The following GYG1 variants were observed in gnomAD, a reference collection of about 807,000 sequenced individuals.
The protein encoded by GYG1 is glycogenin-1.
GYG1 carries 44 observed loss-of-function variants against 41.9 expected under a neutral mutation model. The observed-to-expected ratio is 1.05, with a 90% CI of 0.83 to 1.35. The LOEUF is 1.35. GYG1 is among the 40% of genes most tolerant of loss of function. The pLI, the probability that GYG1 is intolerant of heterozygous loss-of-function variation, is 0.00. For missense variants in GYG1, 429 were observed against 418.9 expected, an observed-to-expected ratio of 1.02 and a Z score of -0.21; for synonymous variants, 141 against 158.1, an observed-to-expected ratio of 0.89 and a Z score of 0.81.
Position 149,024,259 on chromosome 3 carries a change from C to T in GYG1, c.815C>T (p.Ser272Leu), listed in dbSNP as rs1226277771. ...TTTGGCCTTGTCAAAGACACCTGCT[C>T]ATATGTAAATGTGGTAGGTTCTGTT... is the stretch of plus-strand genomic sequence containing the variant. ...QQFGLVKDTC[S>L]YVNVLSDLVY... is the part of the protein sequence containing the mutation. The change falls in exon 6 of 8, where the codon TCA (serine) becomes TTA (leucine). Residue 272 changes from serine (S) to leucine (L), a missense_variant. Transcript: ENST00000345003. 6.3e-7 allele frequency: 1 copy of T among 1,594,978 alleles called. No individual in the cohort carries two copies. The highest frequency in any genetic ancestry group is 1.3e-5 in the African/African-American group (1 of 74,680).
In GYG1 at chr3:149,027,255, C is replaced by G. The variant is rs79788143; in HGVS notation, c.*322C>G. On this transcript the variant is annotated 3_prime_UTR_variant, in exon 8 of 8. Transcript: ENST00000345003. ...TATCAGTTCTTAAAATCTGCAGAGC[C>G]TGGTTCAAAATCAGTCACTCCCTTC... 385 of 357,010 alleles carry G rather than the reference C, an allele frequency of 1.1e-3. 3 individuals are homozygous for G. In the East Asian group the frequency reaches 0.02, roughly 19 times the overall value. The allele number at this position is 357,010 out of a possible 1,614,324, so 22.1% of individuals were successfully genotyped here.
chr3:149,020,412 T>G (rs930171332), intron 5 of GYG1, among the ~76,000 whole-genome samples: 1 of 152,244 alleles, frequency 6.6e-6, no homozygotes, highest in Admixed American at 6.5e-5. Context: ...TAGTCATGGC[T>G]AAGAGCCTTG....
At chr3:148,999,761 G>T (rs1022447641) in intron 4 of GYG1, among the ~76,000 whole-genome samples, 3 of 152,126 alleles carry the variant, frequency 2.0e-5, no homozygotes, top group Admixed American at 6.5e-5. Flanking sequence ...AATAATTTTG[G>T]TTAGGTGTTG....
At position 149,027,449 on chromosome 3, in the gene GYG1, A is replaced by G. The variant is rs3347; in HGVS notation, c.*516A>G. ...GAGTGATTCATAAACATATCAACCA[A>G]TAGCATTAACCCATTTTATTTCCTG... On this transcript the variant is annotated 3_prime_UTR_variant, in exon 8 of 8. Transcript: ENST00000345003. The G allele has an allele frequency of 0.31, 49,642 of 161,338 alleles. 7,621 individuals are homozygous for G. The highest frequency in any genetic ancestry group is 0.32 in the East Asian group (1,812 of 5,640). The allele number at this position is 161,338 out of a possible 1,614,324, so 10.0% of individuals were successfully genotyped here.
rs58075146 is a variant in GYG1, at chr3:149,017,582, G to GTTTTTTT, written c.609-6447_609-6441dup. ...TTATTTATTTATTTCTTTTATTTAG[G>GTTTTTTT]TTTTTTTTTTTTTTTTTTTTTTTTT... is the stretch of plus-strand genomic sequence containing the variant. On this transcript the variant is annotated intron_variant, in intron 5 of 7. Transcript: ENST00000345003. Among the ~76,000 whole-genome samples, 25 of 47,374 alleles carry GTTTTTTT rather than the reference G, an allele frequency of 5.3e-4. 9 individuals are homozygous for GTTTTTTT. Among genetic ancestry groups the GTTTTTTT allele is most frequent in the African/African-American group, 5.5e-4 (10 of 18,080 alleles). The allele number at this position is 47,374 out of a possible 152,430, so 31.1% of individuals were successfully genotyped here. A position where few individuals can be genotyped will look rare whatever the true frequency, so the allele number is the denominator to read the frequency against.
chr3:149,010,705 A>G (rs995007101), intron 5 of GYG1, among the ~76,000 whole-genome samples: 1 of 152,110 alleles, frequency 6.6e-6, no homozygotes, highest in African/African-American at 2.4e-5. Context: ...ACAGGATCCT[A>G]TTATTTAGCC....
rs545139746 is a variant in GYG1 at position 149,005,188 on chromosome 3, T to C, written c.482-4088T>C. Among the ~76,000 whole-genome samples the C allele has an allele frequency of 8.5e-5, 13 of 152,278 alleles. No individual in the cohort carries two copies. In the South Asian group the frequency reaches 2.7e-3, roughly 32 times the overall value. On this transcript the variant is annotated intron_variant, in intron 4 of 7. Coordinates refer to ENST00000345003, the MANE Select transcript of GYG1 (RefSeq NM_004130.4). ...TATAACCTACACATATATTTTTTTTTTGGTAGTATACTTCATAATAAAAAT... is the reference window on the plus strand; with the variant it reads ...TATAACCTACACATATATTTTTTTTCTGGTAGTATACTTCATAATAAAAAT...
At chr3:149,022,533 G>A in intron 5 of GYG1, among the ~76,000 whole-genome samples, 1 of 58,226 alleles carries the variant, frequency 1.7e-5, no homozygotes, top group East Asian at 6.1e-4. Context: ...GAGTCTCACT[G>A]TCACCAGGCT....
Position 149,009,767 on chromosome 3 carries a change from T to C in GYG1, c.608+365T>C, listed in dbSNP as rs563505490. Among the ~76,000 whole-genome samples the C allele has an allele frequency of 2.6e-5, 4 of 152,366 alleles. No individual in the cohort carries two copies. The East Asian group carries it at 7.7e-4, about 29-fold the overall frequency. On this transcript the variant is annotated intron_variant, in intron 5 of 7. Coordinates refer to ENST00000345003, the MANE Select transcript of GYG1 (RefSeq NM_004130.4). ...TCAATGTCTTCCCCATACTGGCTGC[T>C]GAGCTTTGGTTTCCTTCACCTGCAA...
intron 5 of GYG1, among the ~76,000 whole-genome samples, chr3:149,012,997 T>TGTGTGTGTGTG (rs1713816520): frequency 1.4e-5 from 2 of 141,368 alleles, no homozygotes; most frequent in African/African-American, 5.5e-5. Context: ...CTCAGTTAAT[T>TGTGTGTGTGTG]TGTGTGTGTG....
chr3:148,999,638 CTT>C (rs1337128428), intron 4 of GYG1, among the ~76,000 whole-genome samples: 3 of 152,110 alleles, frequency 2.0e-5, no homozygotes, highest in Non-Finnish European at 2.9e-5. Flanking sequence ...TGGACAATGA[CTT>C]TGTCTAATGG....
intron 5 of GYG1, among the ~76,000 whole-genome samples, chr3:149,019,023 T>G (rs769894838): frequency 5.3e-5 from 8 of 150,118 alleles, no homozygotes; most frequent in Non-Finnish European, 1.2e-4. Flanking sequence ...GAGCTGAGAT[T>G]GTACCACTAG....
intron 4 of GYG1, 105 bp downstream of exon 4, chr3:148,997,009 TAA>T: frequency 2.3e-6 from 2 of 870,862 alleles, no homozygotes; most frequent in East Asian, 2.5e-5. Context: ...CTGGAAGATA[TAA>T]GAGATGGAGC....
rs550496178 is a variant in GYG1 at position 148,991,564 on chromosome 3, C to T, written c.-77C>T. 5.1e-5 allele frequency: 78 copies of T among 1,528,638 alleles called. 1 individual carries two copies. The African/African-American group carries it at 6.8e-4, about 13-fold the overall frequency. 94.7% of individuals were successfully genotyped at this position (1,528,638 alleles called of 1,614,324 possible). On this transcript the variant is annotated 5_prime_UTR_variant, in exon 1 of 8. Transcript: ENST00000345003. The stretch of plus-strand genomic sequence containing the variant: ...TTCCCCGCCGTGCCTCCTCGCTGGC[C>T]GCGCTCCCTCCCGGTGCCGGCTTCT...
chr3:149,017,514 A>G (rs1012765071), intron 5 of GYG1, among the ~76,000 whole-genome samples: 19 of 150,920 alleles, frequency 1.3e-4, no homozygotes, highest in African/African-American at 3.9e-4. Flanking sequence ...ATCTTCTGAC[A>G]TCAACATTTC....
chr3:149,012,448 C>T (rs950589592), intron 5 of GYG1, among the ~76,000 whole-genome samples: 1 of 152,164 alleles, frequency 6.6e-6, no homozygotes. Context: ...TAACCATGCA[C>T]TAGGATGTCC....
Position 148,991,582 on chromosome 3 carries a change from C to T in GYG1, c.-59C>T, listed in dbSNP as rs1559994376. 5.2e-6 allele frequency: 8 copies of T among 1,543,666 alleles called. No homozygotes were observed. Among genetic ancestry groups the T allele is most frequent in the South Asian group, 4.7e-5 (4 of 84,788 alleles). On this transcript the variant is annotated 5_prime_UTR_variant, in exon 1 of 8. Transcript: ENST00000345003. ...CGCTGGCCGCGCTCCCTCCCGGTGC[C>T]GGCTTCTCTGAGTCACCAACCTGAG... is the stretch of plus-strand genomic sequence containing the variant.
chr3:149,009,909 T>C (rs914842711), intron 5 of GYG1, among the ~76,000 whole-genome samples: 4 of 152,240 alleles, frequency 2.6e-5, no homozygotes, highest in African/African-American at 9.6e-5. Context: ...CTTCACATCC[T>C]GCAGTGACCA....
chr3:149,022,139 TC>T (rs1285651059), intron 5 of GYG1, among the ~76,000 whole-genome samples: 1 of 152,244 alleles, frequency 6.6e-6, no homozygotes, highest in Non-Finnish European at 1.5e-5. Context: ...TGCTGTGAAT[TC>T]CTGAGCACCC....
Sources: allele counts gnomAD v4.1 joint callset (sites outside exome capture counted in the v4.1 genomes callset), GRCh38; gene constraint gnomAD v4.1.1; transcripts MANE v1.5; gene names NCBI Gene and HGNC (gene_info 2026-07-23, HGNC 2026-07-21).